The following DENND2A variants were observed in gnomAD, a reference collection of about 807,000 sequenced individuals.
The protein encoded by DENND2A is DENN domain-containing protein 2A.
A neutral mutation model predicts 105.3 loss-of-function variants in DENND2A; 53 were observed. That is an observed-to-expected ratio of 0.50 (90% CI 0.40 to 0.63). DENND2A has a LOEUF of 0.63. Among genes scored for constraint, DENND2A ranks in the 30% least tolerant of loss-of-function variants. DENND2A has a pLI of 0.00. For synonymous variants in DENND2A, 522 were observed against 508.4 expected, an observed-to-expected ratio of 1.03 and a Z score of -0.36; for missense variants, 1,138 against 1,279.6, an observed-to-expected ratio of 0.89 and a Z score of 1.69.
chr7:140,557,843 TATTTTTAAAATAGAGACAGGGCCTC>T (rs1797442724), intron 11 of DENND2A, among the ~76,000 whole-genome samples: 1 of 151,956 alleles, frequency 6.6e-6, no homozygotes. Context: ...CGGCCGTATA[TATTTTTAAAATAGAGACAGGGCCTC>T]ATTTTGTTGC....
At chr7:140,554,633 C>G (rs1435155600) in intron 12 of DENND2A, among the ~76,000 whole-genome samples, 1 of 151,752 alleles carries the variant, frequency 6.6e-6, no homozygotes, top group Non-Finnish European at 1.5e-5. Context: ...GAGACTCTGT[C>G]TCAAAAAAAG....
chr7:140,559,171 C>G lies in DENND2A; in HGVS notation c.1889+537G>C, dbSNP rs1797512736. ...CTCTTGGAATTGCCCTGGGGCAGCT[C>G]TCTCAGGGCATGGTCTGTACAGGGC... is the stretch of plus-strand genomic sequence containing the variant. On this transcript the variant is annotated intron_variant, in intron 10 of 19. Coordinates refer to ENST00000496613, the MANE Select transcript of DENND2A (RefSeq NM_015689.5). The surrounding 1 kb of genome is among the most constrained non-coding windows in gnomAD (Gnocchi z 4.1). 6.6e-6 allele frequency among the ~76,000 whole-genome samples: 1 copy of G among 152,110 alleles called. No individual in the cohort carries two copies. The highest frequency in any genetic ancestry group is 2.1e-4 in the South Asian group (1 of 4,834).
intron 18 of DENND2A, among the ~76,000 whole-genome samples, chr7:140,520,173 G>A (rs1323293810): frequency 6.6e-6 from 1 of 152,044 alleles, no homozygotes; most frequent in African/African-American, 2.4e-5. Context: ...AGGTGTGGTG[G>A]TGCACGCCTA....
At chr7:140,632,800 G>A (rs1024140814) in intron 1 of DENND2A, among the ~76,000 whole-genome samples, 13 of 151,090 alleles carry the variant, frequency 8.6e-5, no homozygotes, top group East Asian at 2.0e-4. Flanking sequence ...CTGACCTCAG[G>A]TGATCCGGCC....
At chr7:140,635,669 GA>G (rs1800899175) in intron 1 of DENND2A, among the ~76,000 whole-genome samples, 1 of 152,112 alleles carries the variant, frequency 6.6e-6, no homozygotes, top group Admixed American at 6.5e-5. Context: ...AAGGCCAGGG[GA>G]AAAAACGATC....
chr7:140,624,066 G>T (rs1423697423), intron 1 of DENND2A, among the ~76,000 whole-genome samples: 2 of 152,226 alleles, frequency 1.3e-5, no homozygotes, highest in African/African-American at 4.8e-5. Context: ...GAGTCCGGAT[G>T]AGCAGAAGGA....
chr7:140,567,191 C>T lies in DENND2A; in HGVS notation c.1674G>A (p.Glu558=). Residue 558 remains glutamate (E), a synonymous_variant, in exon 9 of 20, where the codon GAG becomes GAA. Transcript: ENST00000496613. Reference sequence around the variant, plus strand: ...ACTCGAAGAGCTGCCTCTCCTGGTACTCGATGAGTTCCCGGGCAAGTGATG... The same window carrying T: ...ACTCGAAGAGCTGCCTCTCCTGGTATTCGATGAGTTCCCGGGCAAGTGATG... ...RYPSLARELI[E]YQERQLFEYF... The T allele has an allele frequency of 6.2e-7, 1 of 1,613,902 alleles. No individual in the cohort carries two copies. The highest frequency in any genetic ancestry group is 8.5e-7 in the Non-Finnish European group (1 of 1,179,960).
At chr7:140,623,596 C>T (rs1345946290) in intron 1 of DENND2A, among the ~76,000 whole-genome samples, 2 of 151,526 alleles carry the variant, frequency 1.3e-5, no homozygotes, top group South Asian at 2.1e-4. Context: ...GGCATGGTGG[C>T]GGGCGCCTGT....
intron 5 of DENND2A, among the ~76,000 whole-genome samples, chr7:140,585,327 C>T (rs778663885): frequency 6.6e-5 from 10 of 152,168 alleles, no homozygotes; most frequent in African/African-American, 2.2e-4. Context: ...TTGTATGGGA[C>T]GGATGTACCA....
chr7:140,554,159 G>C (rs1435753849), intron 12 of DENND2A, among the ~76,000 whole-genome samples: 1 of 151,780 alleles, frequency 6.6e-6, no homozygotes, highest in Non-Finnish European at 1.5e-5. Context: ...CCAGGAGGCA[G>C]AGGTTGCAGT....
intron 7 of DENND2A, among the ~76,000 whole-genome samples, 183 bp from the exon 8 acceptor site, chr7:140,568,996 C>T (rs1457567929): frequency 6.6e-6 from 1 of 152,034 alleles, no homozygotes; most frequent in African/African-American, 2.4e-5. Context: ...GCAATCTCGG[C>T]TCACTGCAAC....
At chr7:140,520,675 C>T (rs1795822765) in intron 18 of DENND2A, among the ~76,000 whole-genome samples, 1 of 151,676 alleles carries the variant, frequency 6.6e-6, no homozygotes, top group Non-Finnish European at 1.5e-5. Context: ...TCTCCTGCCT[C>T]AGCCTCCTGA....
At chr7:140,556,225 C>T (rs1258504956) in intron 11 of DENND2A, among the ~76,000 whole-genome samples, 2 of 152,038 alleles carry the variant, frequency 1.3e-5, no homozygotes, top group Non-Finnish European at 2.9e-5. Context: ...GCCATATTGG[C>T]CAGGCTGGTC....
chr7:140,533,339 A>G (rs534676937), intron 14 of DENND2A, among the ~76,000 whole-genome samples: 2 of 152,124 alleles, frequency 1.3e-5, no homozygotes, highest in South Asian at 4.1e-4. Flanking sequence ...AGAAGGAGGA[A>G]GTACAAGGGG....
intron 1 of DENND2A, among the ~76,000 whole-genome samples, chr7:140,616,884 G>A (rs940826164): frequency 1.3e-5 from 2 of 152,152 alleles, no homozygotes; most frequent in African/African-American, 2.4e-5. Flanking sequence ...TTGAGACAAA[G>A]TCTTGCTCTG....
rs1293416508 is a variant in DENND2A, at chr7:140,559,208, T to C, written c.1889+500A>G. On this transcript the variant is annotated intron_variant, in intron 10 of 19. Coordinates refer to ENST00000496613, the MANE Select transcript of DENND2A (RefSeq NM_015689.5). This position sits in a 1 kb window ranked among gnomAD's most constrained non-coding sequence, Gnocchi z 4.1. ...GGTCTGTACAGGGCAGCCCCGGGGC[T>C]TGGACGGTCCTTAAAGACTGCTGAG... Among the ~76,000 whole-genome samples the C allele has an allele frequency of 6.6e-6, 1 of 152,140 alleles. No individual in the cohort carries two copies. Among genetic ancestry groups the C allele is most frequent in the South Asian group, 2.1e-4 (1 of 4,832 alleles).
intron 3 of DENND2A, among the ~76,000 whole-genome samples, chr7:140,600,896 T>C (rs2130683610): frequency 6.6e-6 from 1 of 152,368 alleles, no homozygotes; most frequent in East Asian, 1.9e-4. Flanking sequence ...ATTTAATGTG[T>C]TATTTTAACG....
chr7:140,542,354 C>T (rs1053238308), intron 14 of DENND2A, among the ~76,000 whole-genome samples: 1 of 152,130 alleles, frequency 6.6e-6, no homozygotes, highest in African/African-American at 2.4e-5. Flanking sequence ...GGGTGGCCTC[C>T]TATGGGGCAC....
At chr7:140,603,411 C>T (rs189507787) in intron 2 of DENND2A, among the ~76,000 whole-genome samples, 1 of 152,304 alleles carries the variant, frequency 6.6e-6, no homozygotes, top group Admixed American at 6.5e-5. Context: ...AAAACAACAT[C>T]ACAAGTCATG....
Sources: allele counts gnomAD v4.1 joint callset (sites outside exome capture counted in the v4.1 genomes callset), GRCh38; gene constraint gnomAD v4.1.1; non-coding constraint Gnocchi (gnomAD v3.1); transcripts MANE v1.5; gene names NCBI Gene and HGNC (gene_info 2026-07-23, HGNC 2026-07-21).